WDR7: variants seen among roughly 807,000 people sequenced by gnomAD.
The protein encoded by WDR7 is WD repeat-containing protein 7.
A neutral mutation model predicts 169.4 loss-of-function variants in WDR7; 46 were observed. That is an observed-to-expected ratio of 0.27 (90% CI 0.21 to 0.35). The LOEUF is 0.35. Among genes scored for constraint, WDR7 ranks in the 10% least tolerant of loss-of-function variants. WDR7 has a pLI of 1.00. For missense variants in WDR7, 1,534 were observed against 1,859.3 expected, an observed-to-expected ratio of 0.83 and a Z score of 3.22; for synonymous variants, 612 against 666.8, an observed-to-expected ratio of 0.92 and a Z score of 1.27.
chr18:56,733,992 G>A (rs895221119), intron 14 of WDR7, among the ~76,000 whole-genome samples: 6 of 150,626 alleles, frequency 4.0e-5, no homozygotes, highest in Admixed American at 1.3e-4. Context: ...CTTTTCTTTC[G>A]CTGTTTTGCC....
chr18:56,779,486 G>A lies in WDR7; in HGVS notation c.3003G>A (p.Leu1001=). ...TTATGCTGCCAGACCTACTGGGATT[G>A]GATAAATTTAGGCCTCCCCTTCTGG... The part of the protein sequence containing the change: ...HCVMLPDLLG[L]DKFRPPLLEM... The change falls in exon 18 of 28, where the codon TTG becomes TTA. Residue 1001 remains leucine, a synonymous_variant. Transcript: ENST00000254442. 4 of 1,613,968 alleles carry A rather than the reference G, an allele frequency of 2.5e-6. No individual in the cohort carries two copies. The highest frequency in any genetic ancestry group is 1.1e-5 in the South Asian group (1 of 91,064).
At chr18:56,870,647 G>A (rs935510975) in intron 20 of WDR7, among the ~76,000 whole-genome samples, 4 of 152,108 alleles carry the variant, frequency 2.6e-5, no homozygotes, top group Non-Finnish European at 5.9e-5. Context: ...AGGCAGCCAG[G>A]TGTATCAATT....
At chr18:56,975,107 G>A (rs970105377) in intron 26 of WDR7, among the ~76,000 whole-genome samples, 3 of 152,126 alleles carry the variant, frequency 2.0e-5, no homozygotes, top group South Asian at 2.1e-4. Flanking sequence ...GTGTGGTGGC[G>A]GGCGTCTAAT....
At chr18:56,777,350 T>C (rs1046481243) in intron 17 of WDR7, among the ~76,000 whole-genome samples, 1 of 152,170 alleles carries the variant, frequency 6.6e-6, no homozygotes, top group Admixed American at 6.5e-5. Flanking sequence ...GCACCAGTGA[T>C]TATAGACTGA....
At chr18:56,715,439 G>T (rs2026170446) in intron 12 of WDR7, among the ~76,000 whole-genome samples, 1 of 152,118 alleles carries the variant, frequency 6.6e-6, no homozygotes, top group Non-Finnish European at 1.5e-5. Context: ...TTCGACGTGG[G>T]GACTAGCAAA....
chr18:56,714,440 G>T (rs964467407), intron 12 of WDR7, among the ~76,000 whole-genome samples: 1 of 146,664 alleles, frequency 6.8e-6, no homozygotes, highest in Non-Finnish European at 1.5e-5. Flanking sequence ...TACTTTGGAC[G>T]AAACTTTTTT....
intron 21 of WDR7, among the ~76,000 whole-genome samples, chr18:56,886,546 AG>A (rs2046198557): frequency 6.6e-6 from 1 of 152,232 alleles, no homozygotes; most frequent in African/African-American, 2.4e-5. Flanking sequence ...TAAATCTCAC[AG>A]GACCTACAAA....
intron 13 of WDR7, among the ~76,000 whole-genome samples, chr18:56,723,001 A>T (rs564031038): frequency 1.3e-5 from 2 of 152,276 alleles, no homozygotes; most frequent in East Asian, 3.9e-4. Flanking sequence ...AATAAACCAT[A>T]AACAATATTA....
intron 20 of WDR7, among the ~76,000 whole-genome samples, chr18:56,826,504 CAAGTGT>C (rs778437426): frequency 6.6e-6 from 1 of 152,090 alleles, no homozygotes; most frequent in Non-Finnish European, 1.5e-5. Flanking sequence ...AAGTCACTTG[CAAGTGT>C]AAAAGCTTTT....
Position 56,692,430 on chromosome 18 carries a change from AG to A in WDR7, c.966+614del, listed in dbSNP as rs1442126771. ...AAAGAAGCTTTGGCTTTGAAAGCAG[AG>A]TTTTTTTTGTTTTTTTTTTTTTTAA... On this transcript the variant is annotated intron_variant, in intron 9 of 27. Coordinates refer to ENST00000254442, the MANE Select transcript of WDR7 (RefSeq NM_015285.3). Among the ~76,000 whole-genome samples the A allele has an allele frequency of 6.8e-3, 666 of 98,518 alleles. 4 individuals are homozygous for A. The highest frequency in any genetic ancestry group is 9.8e-3 in the Non-Finnish European group (477 of 48,544). 64.6% of individuals were successfully genotyped at this position (98,518 alleles called of 152,430 possible).
intron 12 of WDR7, chr18:56,700,002 C>T: frequency 2.0e-6 from 1 of 493,556 alleles, no homozygotes; most frequent in Non-Finnish European, 2.6e-6. Flanking sequence ...CAAATTCCTA[C>T]TAGAGATTAG....
intron 20 of WDR7, among the ~76,000 whole-genome samples, chr18:56,828,932 A>G (rs1455727073): frequency 6.6e-6 from 1 of 151,982 alleles, no homozygotes; most frequent in African/African-American, 2.4e-5. Flanking sequence ...TCTTTATATA[A>G]CCCTTTATAT....
chr18:56,785,847 A>G (rs1029800747), intron 19 of WDR7, among the ~76,000 whole-genome samples: 1 of 126,320 alleles, frequency 7.9e-6, no homozygotes, highest in Admixed American at 7.6e-5. Flanking sequence ...TTTTTTTTTT[A>G]AAGAGACAGG....
intron 21 of WDR7, among the ~76,000 whole-genome samples, chr18:56,905,928 A>C (rs966773672): frequency 6.6e-6 from 1 of 152,206 alleles, no homozygotes; most frequent in Non-Finnish European, 1.5e-5. Flanking sequence ...AAATTAGTAC[A>C]TTTTATACAC....
intron 14 of WDR7, among the ~76,000 whole-genome samples, chr18:56,732,469 A>G (rs1464166572): frequency 2.0e-5 from 3 of 152,172 alleles, no homozygotes; most frequent in Non-Finnish European, 4.4e-5. Flanking sequence ...ATGTGAATAA[A>G]TAGTAAAGGG....
chr18:56,686,783 C>A, intron 6 of WDR7, 72 bp from the exon 7 acceptor site: 1 of 1,277,364 alleles, frequency 7.8e-7, no homozygotes, highest in Non-Finnish European at 1.1e-6. Flanking sequence ...AATTTTGTTG[C>A]CTTTATCATT....
chr18:56,854,027 A>G (rs150240311), intron 20 of WDR7, among the ~76,000 whole-genome samples: 1 of 152,226 alleles, frequency 6.6e-6, no homozygotes, highest in Admixed American at 6.5e-5. Flanking sequence ...GTACACATAC[A>G]TATAATTTTC....
chr18:56,725,577 CAAAAATTT>C (rs2026430218), intron 13 of WDR7, among the ~76,000 whole-genome samples: 1 of 152,116 alleles, frequency 6.6e-6, no homozygotes, highest in African/African-American at 2.4e-5. Context: ...GAGTAGATTG[CAAAAATTT>C]TCTCCCATTC....
chr18:56,840,586 C>T (rs867783687), intron 20 of WDR7, among the ~76,000 whole-genome samples: 1 of 151,936 alleles, frequency 6.6e-6, no homozygotes, highest in South Asian at 2.1e-4. Flanking sequence ...TTTGGGAGGT[C>T]GAGGCAGGTG....
Sources: gnomAD v4.1 joint callset for allele counts (sites outside exome capture counted in the v4.1 genomes callset) on GRCh38, gnomAD v4.1.1 for gene constraint, MANE v1.5 for transcripts, NCBI Gene and HGNC (gene_info 2026-07-23, HGNC 2026-07-21) for gene names.